LRMDA: variants seen among roughly 807,000 people sequenced by gnomAD.
LRMDA encodes leucine-rich melanocyte differentiation-associated protein.
LRMDA carries 18 observed loss-of-function variants against 29.8 expected under a neutral mutation model. That is an observed-to-expected ratio of 0.60 (90% CI 0.42 to 0.90). LRMDA has a LOEUF of 0.90. LRMDA is among the 40% of genes least tolerant of loss of function. The pLI is 0.00. For missense variants in LRMDA, 273 were observed against 273.9 expected, an observed-to-expected ratio of 1.00 and a Z score of 0.02; for synonymous variants, 125 against 109.4, an observed-to-expected ratio of 1.14 and a Z score of -0.89.
At chr10:75,609,909 C>T (rs1047055493) in intron 2 of LRMDA, among the ~76,000 whole-genome samples, 1 of 152,096 alleles carries the variant, frequency 6.6e-6, no homozygotes, top group South Asian at 2.1e-4. Context: ...AAAGAATGCC[C>T]AGTCTCCAGG....
At chr10:75,467,956 TCACACACACACACACA>T (rs61295526) in intron 2 of LRMDA, among the ~76,000 whole-genome samples, 33 of 130,058 alleles carry the variant, frequency 2.5e-4, no homozygotes, top group African/African-American at 4.8e-4. Context: ...TGAGACTCCG[TCACACACACACACACA>T]CACACACACA....
At chr10:75,524,145 G>A (rs928752600) in intron 2 of LRMDA, among the ~76,000 whole-genome samples, 19 of 152,154 alleles carry the variant, frequency 1.2e-4, no homozygotes, top group African/African-American at 3.4e-4. Context: ...AGGGGTCTTG[G>A]ACAAAGCAAC....
intron 5 of LRMDA, among the ~76,000 whole-genome samples, chr10:76,311,208 T>A (rs1285728974): frequency 3.3e-5 from 5 of 152,232 alleles, no homozygotes; most frequent in Non-Finnish European, 7.3e-5. Flanking sequence ...TTAACATAAA[T>A]GCAGCAAAAC....
At chr10:76,065,578 CT>C (rs924857583) in intron 5 of LRMDA, among the ~76,000 whole-genome samples, 1 of 152,190 alleles carries the variant, frequency 6.6e-6, no homozygotes, top group Non-Finnish European at 1.5e-5. Context: ...TCCAAAGATG[CT>C]TAGATGGATG....
intron 2 of LRMDA, among the ~76,000 whole-genome samples, chr10:75,914,409 A>T (rs866934051): frequency 6.6e-6 from 1 of 152,256 alleles, no homozygotes; most frequent in Non-Finnish European, 1.5e-5. Context: ...TTCTGTCTAT[A>T]TGATTTGCAT....
At chr10:76,033,969 AGGAG>A (rs1310053597) in intron 2 of LRMDA, among the ~76,000 whole-genome samples, 1 of 151,976 alleles carries the variant, frequency 6.6e-6, no homozygotes, top group Non-Finnish European at 1.5e-5. Context: ...AGTGAATAAA[AGGAG>A]GAAGGAAAAG....
At chr10:76,140,323 G>A (rs1019083846) in intron 5 of LRMDA, among the ~76,000 whole-genome samples, 1 of 152,116 alleles carries the variant, frequency 6.6e-6, no homozygotes, top group Non-Finnish European at 1.5e-5. Context: ...CACTGGAGAA[G>A]GTGCCAGCTG....
chr10:76,539,126 G>T (rs1046011618), intron 6 of LRMDA, among the ~76,000 whole-genome samples: 2 of 152,136 alleles, frequency 1.3e-5, no homozygotes, highest in East Asian at 3.9e-4. Flanking sequence ...CCACTTCTTA[G>T]AAAAGCTATG....
chr10:76,242,810 GT>G (rs1852301193), intron 5 of LRMDA, among the ~76,000 whole-genome samples: 1 of 152,188 alleles, frequency 6.6e-6, no homozygotes, highest in Admixed American at 6.5e-5. Flanking sequence ...ACAACACCGA[GT>G]TGTCCTACAT....
At chr10:76,423,890 G>A (rs1482019902) in intron 6 of LRMDA, among the ~76,000 whole-genome samples, 1 of 152,150 alleles carries the variant, frequency 6.6e-6, no homozygotes, top group Non-Finnish European at 1.5e-5. Context: ...GGTGAGGGGA[G>A]GTGTCCATGG....
At chr10:75,966,111 T>C (rs1056094469) in intron 2 of LRMDA, among the ~76,000 whole-genome samples, 7 of 152,238 alleles carry the variant, frequency 4.6e-5, no homozygotes, top group African/African-American at 1.7e-4. Flanking sequence ...TGTCTTCCTA[T>C]CATCCACTAA....
intron 2 of LRMDA, among the ~76,000 whole-genome samples, chr10:75,747,823 T>TTAGG (rs1842906854): frequency 6.6e-6 from 1 of 150,762 alleles, no homozygotes; most frequent in African/African-American, 2.4e-5. Context: ...CCCAATCGAG[T>TTAGG]GTCCCCTCTT....
intron 2 of LRMDA, among the ~76,000 whole-genome samples, chr10:75,786,520 A>C (rs1228467551): frequency 2.0e-5 from 3 of 152,086 alleles, no homozygotes; most frequent in South Asian, 2.1e-4. Flanking sequence ...ATGTTGGTTT[A>C]GTACCAATTG....
intron 2 of LRMDA, among the ~76,000 whole-genome samples, chr10:75,576,599 A>G (rs1840508933): frequency 6.6e-6 from 1 of 152,192 alleles, no homozygotes; most frequent in Admixed American, 6.5e-5. Context: ...AGTAGGGGCC[A>G]AAAGACACTT....
chr10:75,852,897 A>G (rs1051514091), intron 2 of LRMDA, among the ~76,000 whole-genome samples: 2 of 152,198 alleles, frequency 1.3e-5, no homozygotes, highest in Non-Finnish European at 2.9e-5. Context: ...GGATTAATTC[A>G]CAGTTCTACA....
chr10:75,528,725 A>G (rs1845442171), intron 2 of LRMDA, among the ~76,000 whole-genome samples: 1 of 152,216 alleles, frequency 6.6e-6, no homozygotes, highest in African/African-American at 2.4e-5. Context: ...AGAAACCTCT[A>G]GCATGAATGA....
chr10:75,517,350 T>C (rs1845302779), intron 2 of LRMDA, among the ~76,000 whole-genome samples: 2 of 152,228 alleles, frequency 1.3e-5, no homozygotes, highest in African/African-American at 4.8e-5. Flanking sequence ...TGTTCTTCCA[T>C]TTGTTTGTGT....
chr10:76,408,394 G>T (rs551037833), intron 6 of LRMDA, among the ~76,000 whole-genome samples: 69 of 152,196 alleles, frequency 4.5e-4, no homozygotes, highest in African/African-American at 1.5e-3. Context: ...GACCTCTGTG[G>T]AGTTTACTTA....
At chr10:76,512,434 T>A (rs951949982) in intron 6 of LRMDA, among the ~76,000 whole-genome samples, 4 of 152,192 alleles carry the variant, frequency 2.6e-5, no homozygotes, top group African/African-American at 9.7e-5. Flanking sequence ...ACATTTAAGG[T>A]CAATTAATTT....
Sources: gnomAD v4.1 joint callset for allele counts (sites outside exome capture counted in the v4.1 genomes callset) on GRCh38, gnomAD v4.1.1 for gene constraint, MANE v1.5 for transcripts, NCBI Gene and HGNC (gene_info 2026-07-23, HGNC 2026-07-21) for gene names.